The following PCDH15 variants were observed in gnomAD, a reference collection of about 807,000 sequenced individuals.
PCDH15 encodes protocadherin related 15.
In PCDH15, 129 loss-of-function variants were observed where a neutral mutation model predicts 178.5. The ratio of observed to expected loss-of-function variants is 0.72; its 90% CI spans 0.63 to 0.84. The LOEUF is 0.84. PCDH15 is among the 40% of genes least tolerant of loss of function. PCDH15 has a pLI of 0.00. For synonymous variants in PCDH15, 800 were observed against 732.0 expected, an observed-to-expected ratio of 1.09 and a Z score of -1.50; for missense variants, 2,230 against 2,099.9, an observed-to-expected ratio of 1.06 and a Z score of -1.21.
intron 18 of PCDH15, among the ~76,000 whole-genome samples, chr10:54,050,265 G>A (rs564480503): frequency 9.5e-4 from 144 of 152,122 alleles, no homozygotes; most frequent in African/African-American, 3.3e-3. Context: ...TCAAGCTTTT[G>A]ATTTCTTCTT....
At chr10:55,396,096 G>T (rs1422621146) in intron 2 of PCDH15, among the ~76,000 whole-genome samples, 1 of 152,120 alleles carries the variant, frequency 6.6e-6, no homozygotes, top group African/African-American at 2.4e-5. Flanking sequence ...AAGGAAATAT[G>T]TATCAATGTC....
chr10:55,543,862 AT>A (rs1023526023), intron 2 of PCDH15, among the ~76,000 whole-genome samples: 18 of 151,472 alleles, frequency 1.2e-4, no homozygotes, highest in Non-Finnish European at 1.5e-4. Flanking sequence ...CTTGATGAAA[AT>A]TTCTGTGTTC....
At position 54,685,279 on chromosome 10, in the gene PCDH15, AAGG is replaced by A. The variant is rs372401684; in HGVS notation, c.-28-20992_-28-20990del. Among the ~76,000 whole-genome samples the A allele has an allele frequency of 1.2e-4, 19 of 152,252 alleles. No individual in the cohort carries two copies. The South Asian group carries it at 3.3e-3, about 27-fold the overall frequency. The stretch of plus-strand genomic sequence containing the variant: ...GGTGGTTTACAGTTAATTTTTTTAT[AAGG>A]AGATGAAGTACACTCTAAAATAACA... On this transcript the variant is annotated intron_variant, in intron 1 of 37. Coordinates refer to ENST00000644397, the MANE Select transcript of PCDH15 (RefSeq NM_001384140.1).
intron 2 of PCDH15, among the ~76,000 whole-genome samples, chr10:55,037,468 G>A (rs1208705431): frequency 2.0e-5 from 3 of 152,054 alleles, no homozygotes; most frequent in South Asian, 2.1e-4. Context: ...TGCTGACCTC[G>A]TGATGCGCCC....
rs559636488 is a variant in PCDH15, at chr10:55,317,480, T to G, written c.-156+2119A>C. Among the ~76,000 whole-genome samples the G allele has an allele frequency of 1.1e-3, 108 of 99,868 alleles. 1 individual carries two copies. Among genetic ancestry groups the G allele is most frequent in the South Asian group, 5.5e-3 (15 of 2,740 alleles). The allele number at this position is 99,868 out of a possible 152,430, so 65.5% of individuals were successfully genotyped here. On this transcript the variant is annotated intron_variant, in intron 1 of 5. Transcript: ENST00000458638. The stretch of plus-strand genomic sequence containing the variant: ...ATATGCAAGAGAGGCTTAATAGTGT[T>G]TTTTTTTTCTCTATTCTCCTTAAGA...
chr10:54,748,457 C>A (rs1945762623), intron 1 of PCDH15, among the ~76,000 whole-genome samples: 1 of 152,088 alleles, frequency 6.6e-6, no homozygotes. Flanking sequence ...GAGTATTTAA[C>A]AAGAATCTGT....
chr10:54,456,786 A>G (rs565708624), intron 3 of PCDH15, among the ~76,000 whole-genome samples: 2 of 152,236 alleles, frequency 1.3e-5, no homozygotes, highest in Admixed American at 1.3e-4. Context: ...AGGTTATTTA[A>G]TCGTGGGGTT....
chr10:55,119,795 A>T (rs184815095), intron 2 of PCDH15, among the ~76,000 whole-genome samples: 5 of 152,362 alleles, frequency 3.3e-5, no homozygotes, highest in Admixed American at 3.3e-4. Flanking sequence ...AGCTTAGGTT[A>T]TGAACTTAAG....
At chr10:54,706,629 A>G (rs181337042) in intron 1 of PCDH15, among the ~76,000 whole-genome samples, 2 of 148,706 alleles carry the variant, frequency 1.3e-5, no homozygotes, top group East Asian at 1.9e-4. Context: ...GACATATTTT[A>G]ATTTATTTTT....
intron 8 of PCDH15, among the ~76,000 whole-genome samples, chr10:54,238,687 A>T (rs375870791): frequency 0.085 from 10,247 of 120,012 alleles, 398 homozygotes; most frequent in African/African-American, 0.12. Context: ...TCACACACAC[A>T]CACACACACA....
intron 3 of PCDH15, among the ~76,000 whole-genome samples, chr10:54,425,304 G>A (rs574679320): frequency 6.6e-6 from 1 of 152,176 alleles, no homozygotes; most frequent in South Asian, 2.1e-4. Flanking sequence ...GAAGGAAACT[G>A]GTGGATATAT....
intron 1 of PCDH15, among the ~76,000 whole-genome samples, chr10:55,235,451 C>A (rs1019082139): frequency 6.6e-6 from 1 of 152,116 alleles, no homozygotes; most frequent in Non-Finnish European, 1.5e-5. Context: ...GTCTACTTTT[C>A]TTAAAGTCCA....
intron 2 of PCDH15, among the ~76,000 whole-genome samples, chr10:55,394,751 C>G (rs1247274613): frequency 2.0e-5 from 3 of 151,274 alleles, no homozygotes; most frequent in Non-Finnish European, 4.4e-5. Flanking sequence ...TAATGGTAAG[C>G]AGAGTGCTAA....
intron 2 of PCDH15, among the ~76,000 whole-genome samples, chr10:55,526,728 T>C (rs1464913501): frequency 6.6e-6 from 1 of 152,076 alleles, no homozygotes; most frequent in African/African-American, 2.4e-5. Context: ...TCATTAAAAC[T>C]TGTCAGTAAA....
rs578201784 is a variant in PCDH15, at chr10:55,036,592, A to C, written c.-80+129984T>G. 3.5e-4 allele frequency among the ~76,000 whole-genome samples: 54 copies of C among 152,182 alleles called. No individual in the cohort carries two copies. In the South Asian group the frequency reaches 3.7e-3, roughly 11 times the overall value. ...GATTTGTGGCAGTATATCCCTCCTCAGCCACTCCTTCTCAAGTTCTGTACT... is the reference window on the plus strand; with the variant it reads ...GATTTGTGGCAGTATATCCCTCCTCCGCCACTCCTTCTCAAGTTCTGTACT... On this transcript the variant is annotated intron_variant, in intron 2 of 5. Coordinates refer to the PCDH15 transcript ENST00000458638.
At chr10:55,520,709 T>C (rs1841155289) in intron 2 of PCDH15, among the ~76,000 whole-genome samples, 1 of 151,652 alleles carries the variant, frequency 6.6e-6, no homozygotes, top group Admixed American at 6.6e-5. Flanking sequence ...CTACTAACAA[T>C]CTATTGCAAA....
intron 1 of PCDH15, among the ~76,000 whole-genome samples, chr10:54,672,428 T>C (rs189371274): frequency 7.5e-4 from 114 of 152,236 alleles, no homozygotes; most frequent in South Asian, 6.2e-3. Context: ...GGTAACAAGA[T>C]ATCACTTTAT....
intron 2 of PCDH15, among the ~76,000 whole-genome samples, chr10:55,467,123 A>G (rs1839846994): frequency 6.6e-6 from 1 of 152,216 alleles, no homozygotes; most frequent in South Asian, 2.1e-4. Flanking sequence ...ATAGGTATTA[A>G]TTTATGAGTT....
At chr10:54,033,487 A>G (rs1027128635) in intron 18 of PCDH15, among the ~76,000 whole-genome samples, 5 of 151,944 alleles carry the variant, frequency 3.3e-5, no homozygotes, top group Admixed American at 1.3e-4. Flanking sequence ...CTTATATACC[A>G]TAAACATTTC....
Sources: gnomAD v4.1 joint callset for allele counts (sites outside exome capture counted in the v4.1 genomes callset) on GRCh38, gnomAD v4.1.1 for gene constraint, MANE v1.5 for transcripts, NCBI Gene and HGNC (gene_info 2026-07-23, HGNC 2026-07-21) for gene names.